Variants in TENT4A observed in about 807,000 individuals in gnomAD.
The protein encoded by TENT4A is DNA polymerase kappa.
A neutral mutation model predicts 72.8 loss-of-function variants in TENT4A; 7 were observed. The ratio of observed to expected loss-of-function variants is 0.10; its 90% CI spans 0.05 to 0.18. The LOEUF (loss-of-function observed/expected upper bound fraction) is 0.18, where lower values mean the gene tolerates loss of function less well. Among genes scored for constraint, TENT4A ranks in the 10% least tolerant of loss-of-function variants. The pLI, the probability that TENT4A is intolerant of heterozygous loss-of-function variation, is 1.00. For synonymous variants in TENT4A, 456 were observed against 434.3 expected, an observed-to-expected ratio of 1.05 and a Z score of -0.62; for missense variants, 831 against 1,017.7, an observed-to-expected ratio of 0.82 and a Z score of 2.50.
chr5:6,726,225 C>A (rs747583661), intron 1 of TENT4A, among the ~76,000 whole-genome samples: 2 of 152,192 alleles, frequency 1.3e-5, no homozygotes, highest in Non-Finnish European at 2.9e-5. Context: ...GGGGGAGCTG[C>A]GTCCCTGTGT....
intron 6 of TENT4A, among the ~76,000 whole-genome samples, chr5:6,744,391 A>T (rs979550553): frequency 1.3e-5 from 2 of 152,264 alleles, no homozygotes; most frequent in Non-Finnish European, 2.9e-5. Context: ...AACTGTAATT[A>T]TACTTTTTAA....
chr5:6,749,736 T>A, intron 9 of TENT4A, 79 bp downstream of exon 9: 1 of 924,138 alleles, frequency 1.1e-6, no homozygotes, highest in Non-Finnish European at 1.7e-6. Context: ...TCCTTTGTGG[T>A]AAATTGGTCA....
chr5:6,735,392 G>A (rs981169049), intron 1 of TENT4A, among the ~76,000 whole-genome samples: 1 of 152,188 alleles, frequency 6.6e-6, no homozygotes, highest in African/African-American at 2.4e-5. Flanking sequence ...CTAGCTCTCT[G>A]CAGTGACAGT....
intron 1 of TENT4A, among the ~76,000 whole-genome samples, chr5:6,717,086 CT>C (rs975764904): frequency 7.5e-4 from 114 of 152,328 alleles, no homozygotes; most frequent in African/African-American, 2.3e-3. Flanking sequence ...AAGGTCCCCC[CT>C]GTGATCATTT....
chr5:6,720,029 T>C (rs961132465), intron 1 of TENT4A, among the ~76,000 whole-genome samples: 1 of 152,190 alleles, frequency 6.6e-6, no homozygotes, highest in Non-Finnish European at 1.5e-5. Context: ...AGGATGGAAG[T>C]CCTTGATTGC....
intron 1 of TENT4A, among the ~76,000 whole-genome samples, chr5:6,730,858 T>G (rs1040158901): frequency 1.8e-4 from 28 of 152,240 alleles, no homozygotes; most frequent in African/African-American, 6.5e-4. Context: ...TAAAAATGAT[T>G]TATAATTAGC....
At chr5:6,715,581 T>C (rs1740332242) in intron 1 of TENT4A, among the ~76,000 whole-genome samples, 1 of 152,224 alleles carries the variant, frequency 6.6e-6, no homozygotes, top group Non-Finnish European at 1.5e-5. Context: ...CTTGCACAAT[T>C]TTTCCCCCCA....
At chr5:6,743,602 G>A (rs1741938721) in intron 5 of TENT4A, 110 bp from the exon 6 acceptor site, 5 of 849,642 alleles carry the variant, frequency 5.9e-6, no homozygotes, top group Non-Finnish European at 9.2e-6. Flanking sequence ...CCTTCAGATG[G>A]GCAAGAGGAT....
chr5:6,725,116 T>G (rs928143951), intron 1 of TENT4A, among the ~76,000 whole-genome samples: 2 of 152,156 alleles, frequency 1.3e-5, no homozygotes, highest in African/African-American at 4.8e-5. Flanking sequence ...GTTCAGGAGA[T>G]CGAGACCATC....
At chr5:6,720,994 C>G (rs6890920) in intron 1 of TENT4A, among the ~76,000 whole-genome samples, 31,939 of 152,150 alleles carry the variant, frequency 0.21, 3,676 homozygotes, top group Non-Finnish European at 0.26. Flanking sequence ...AGCACTGTGC[C>G]TCCTTTAGGA....
intron 5 of TENT4A, among the ~76,000 whole-genome samples, chr5:6,743,388 C>A (rs1445564954): frequency 6.6e-6 from 1 of 152,176 alleles, no homozygotes; most frequent in Non-Finnish European, 1.5e-5. Flanking sequence ...GTCCTCATGG[C>A]CTGTGTAGCA....
At position 6,755,609 on chromosome 5, in the gene TENT4A, T is replaced by C. The variant is rs929109020; in HGVS notation, c.*664T>C. On this transcript the variant is annotated 3_prime_UTR_variant, in exon 13 of 13. Transcript: ENST00000230859. The stretch of plus-strand genomic sequence containing the variant: ...CTGACGAGCATCGTTACAAACACCA[T>C]GATGAGGGGTTTGGGGTTTTATTTT... 2.0e-5 allele frequency: 3 copies of C among 152,576 alleles called. No individual in the cohort carries two copies. The highest frequency in any genetic ancestry group is 2.9e-5 in the Non-Finnish European group (2 of 68,044). 9.5% of individuals were successfully genotyped at this position (152,576 alleles called of 1,614,324 possible). A position where few individuals can be genotyped will look rare whatever the true frequency, so the allele number is the denominator to read the frequency against.
chr5:6,733,177 G>GGT (rs1306909402), intron 1 of TENT4A, among the ~76,000 whole-genome samples: 1 of 152,242 alleles, frequency 6.6e-6, no homozygotes, highest in Non-Finnish European at 1.5e-5. Context: ...AGGAGTAGGG[G>GGT]GTGAGGCCAG....
Position 6,731,727 on chromosome 5 carries a change from G to A in TENT4A, c.717-5783G>A, listed in dbSNP as rs185240275. ...GCTTGAAACTTCTTGTAACCAGATT[G>A]GAGGAGGAGGGCATGTTCATTTTCG... On this transcript the variant is annotated intron_variant, in intron 1 of 12. Transcript: ENST00000230859. Among the ~76,000 whole-genome samples, 394 of 152,222 alleles carry A rather than the reference G, an allele frequency of 2.6e-3. 4 individuals are homozygous for A. Among genetic ancestry groups the A allele is most frequent in the East Asian group, 1.7e-3 (9 of 5,166 alleles).
chr5:6,739,224 G>C (rs1369180798), intron 3 of TENT4A, among the ~76,000 whole-genome samples: 1 of 152,164 alleles, frequency 6.6e-6, no homozygotes, highest in African/African-American at 2.4e-5. Context: ...CCTGTGCACT[G>C]TCTCATTAAA....
rs78688014 is a variant in TENT4A at position 6,749,296 on chromosome 5, G to A, written c.1587-261G>A. Among the ~76,000 whole-genome samples, 14 of 152,300 alleles carry A rather than the reference G, an allele frequency of 9.2e-5. No homozygotes were observed. In the East Asian group the frequency reaches 2.5e-3, roughly 27 times the overall value. On this transcript the variant is annotated intron_variant, in intron 8 of 12. Coordinates refer to ENST00000230859, the MANE Select transcript of TENT4A (RefSeq NM_006999.6). Reference sequence around the variant, plus strand: ...GAAATGTCAGCACTGTATGATCATCGTGGGTGGGAAGGCCCCGCTCCCCTA... The same window carrying A: ...GAAATGTCAGCACTGTATGATCATCATGGGTGGGAAGGCCCCGCTCCCCTA...
rs189779120 is a variant in TENT4A at position 6,735,313 on chromosome 5, C to T, written c.717-2197C>T. Among the ~76,000 whole-genome samples the T allele has an allele frequency of 1.5e-3, 232 of 152,304 alleles. 3 individuals carry two copies. The highest frequency in any genetic ancestry group is 2.6e-3 in the Non-Finnish European group (177 of 68,038). On this transcript the variant is annotated intron_variant, in intron 1 of 12. Transcript: ENST00000230859. ...GAACAGGACTGTGAGGTGCAGTAGG[C>T]CACATGGTGTAGTGGTTTAGGTGGA... is the stretch of plus-strand genomic sequence containing the variant.
chr5:6,718,818 A>G (rs1028840012), intron 1 of TENT4A, among the ~76,000 whole-genome samples: 9 of 152,168 alleles, frequency 5.9e-5, no homozygotes, highest in Non-Finnish European at 1.3e-4. Context: ...TGCTTGCACC[A>G]TATGTCTGGT....
At chr5:6,750,708 G>T (rs1458436879) in intron 10 of TENT4A, 1 of 560,424 alleles carries the variant, frequency 1.8e-6, no homozygotes, top group Non-Finnish European at 3.1e-6. Context: ...CTGTCTGTGC[G>T]ACTCATGCGG....
Sources: allele counts gnomAD v4.1 joint callset (sites outside exome capture counted in the v4.1 genomes callset), GRCh38; gene constraint gnomAD v4.1.1; transcripts MANE v1.5; gene names NCBI Gene and HGNC (gene_info 2026-07-23, HGNC 2026-07-21).